COL23A1: variants seen among roughly 807,000 people sequenced by gnomAD.
COL23A1 encodes collagen alpha-1(XXIII) chain.
In COL23A1, 97 loss-of-function variants were observed where a neutral mutation model predicts 99.3. The observed-to-expected ratio is 0.98, with a 90% CI of 0.83 to 1.16. The LOEUF is 1.16. Among genes scored for constraint, COL23A1 ranks in the 50% most tolerant of loss-of-function variants. The pLI is 0.00. For missense variants in COL23A1, 762 were observed against 757.4 expected (o/e 1.01, Z -0.07); for synonymous variants, 320 against 308.2 (o/e 1.04, Z -0.40).
intron 2 of COL23A1, among the ~76,000 whole-genome samples, chr5:178,475,602 C>T (rs1467987638): frequency 1.3e-5 from 2 of 152,142 alleles, no homozygotes; most frequent in African/African-American, 2.4e-5. Flanking sequence ...TGTTAGTTTT[C>T]GGTTGCTGCA....
intron 5 of COL23A1, among the ~76,000 whole-genome samples, chr5:178,276,997 T>A (rs564291461): frequency 6.6e-6 from 1 of 152,352 alleles, no homozygotes; most frequent in African/African-American, 2.4e-5. Context: ...CCCTCTGTGC[T>A]GCTCATCTGT....
In COL23A1 at chr5:178,256,856, C is replaced by T; in HGVS notation, c.837+10G>A. 3 of 1,612,046 alleles carry T rather than the reference C, an allele frequency of 1.9e-6. No individual in the cohort carries two copies. In the South Asian group the frequency reaches 3.3e-5, roughly 18 times the overall value. ...CCCGCAGGCGCCAGAGCAGAGAGCT[C>T]TCATGTCACCTTCGGTCCTGGGGCA... On this transcript the variant is annotated intron_variant, in intron 14 of 28. Coordinates refer to ENST00000390654, the MANE Select transcript of COL23A1 (RefSeq NM_173465.4).
chr5:178,288,379 C>A, intron 4 of COL23A1, 29 bp from the exon 5 acceptor site: 1 of 1,604,254 alleles, frequency 6.2e-7, no homozygotes, highest in Non-Finnish European at 8.5e-7. Context: ...CATTAATAAT[C>A]AGAGTTTCGG....
chr5:178,552,709 A>T (rs1311945315), intron 2 of COL23A1, among the ~76,000 whole-genome samples: 1 of 54,434 alleles, frequency 1.8e-5, no homozygotes, highest in African/African-American at 3.0e-4. Flanking sequence ...AAAAAATTAA[A>T]AAAAAAAAAA....
Position 178,238,691 on chromosome 5 carries a change from C to T in COL23A1, c.*7G>A. The T allele has an allele frequency of 6.2e-7, 1 of 1,611,994 alleles. No homozygotes were observed. Among genetic ancestry groups the T allele is most frequent in the East Asian group, 2.2e-5 (1 of 44,874 alleles). On this transcript the variant is annotated 3_prime_UTR_variant, in exon 29 of 29. Transcript: ENST00000390654. ...GGATCTGTACAGGTGTGAGCTGGGC[C>T]TGTGGGTCACTGGAAAAGGAGGAAG...
At chr5:178,243,479 C>T (rs1294502613) in intron 25 of COL23A1, among the ~76,000 whole-genome samples, 1 of 145,978 alleles carries the variant, frequency 6.9e-6, no homozygotes, top group East Asian at 2.0e-4. Context: ...CAGAGTGAGA[C>T]TCCATCTCCA....
chr5:178,579,640 G>A (rs1036343339), intron 1 of COL23A1, among the ~76,000 whole-genome samples: 3 of 152,114 alleles, frequency 2.0e-5, no homozygotes, highest in African/African-American at 7.2e-5. Flanking sequence ...TTTTAGGAGA[G>A]ACGGGGTTTC....
At chr5:178,547,379 GC>G (rs1024720762) in intron 2 of COL23A1, among the ~76,000 whole-genome samples, 4 of 151,654 alleles carry the variant, frequency 2.6e-5, no homozygotes, top group Non-Finnish European at 4.4e-5. Flanking sequence ...GCTCTCCTGG[GC>G]CAGATTTTGG....
intron 1 of COL23A1, among the ~76,000 whole-genome samples, chr5:178,567,363 G>A (rs1374049671): frequency 2.0e-5 from 3 of 152,174 alleles, no homozygotes; most frequent in East Asian, 3.8e-4. Flanking sequence ...AACACAAGAT[G>A]AGCCTGGAGT....
rs1581464080 is a variant in COL23A1, at chr5:178,256,806, C to T, written c.837+60G>A. 24 of 1,520,754 alleles carry T rather than the reference C, an allele frequency of 1.6e-5. No homozygotes were observed. In the East Asian group the frequency reaches 3.3e-4, roughly 21 times the overall value. The allele number at this position is 1,520,754 out of a possible 1,614,324, so 94.2% of individuals were successfully genotyped here. A position where few individuals can be genotyped will look rare whatever the true frequency, so the allele number is the denominator to read the frequency against. On this transcript the variant is annotated intron_variant, in intron 14 of 28. Coordinates refer to ENST00000390654, the MANE Select transcript of COL23A1 (RefSeq NM_173465.4). ...GAGCTGAAACCACATCTCCCACTCC[C>T]GACTGGGTGGAGGTCTGAGCGGGGC...
At chr5:178,508,779 A>T (rs1759025948) in intron 2 of COL23A1, among the ~76,000 whole-genome samples, 1 of 152,040 alleles carries the variant, frequency 6.6e-6, no homozygotes, top group Non-Finnish European at 1.5e-5. Context: ...CCCTCTCCCG[A>T]TCCTTTGGCT....
chr5:178,569,008 T>C (rs1762963012), intron 1 of COL23A1, among the ~76,000 whole-genome samples: 1 of 152,226 alleles, frequency 6.6e-6, no homozygotes, highest in Non-Finnish European at 1.5e-5. Context: ...CCAAACTCTT[T>C]TCCACAGTGG....
chr5:178,367,195 C>A (rs1354611566), intron 2 of COL23A1, among the ~76,000 whole-genome samples: 1 of 152,188 alleles, frequency 6.6e-6, no homozygotes, highest in Non-Finnish European at 1.5e-5. Flanking sequence ...TGCTTGGAAA[C>A]CACCAATGGC....
rs1359705542 is a variant in COL23A1, at chr5:178,468,504, C to T, written c.361+92178G>A. 6.6e-6 allele frequency among the ~76,000 whole-genome samples: 1 copy of T among 152,144 alleles called. No individual in the cohort carries two copies. The highest frequency in any genetic ancestry group is 1.9e-4 in the East Asian group (1 of 5,170). Reference sequence around the variant, plus strand: ...CACGAGATGATTATTTCGTTTCATCCTCACCCTGCCTCCCTCATCTGCTCA... The same window carrying T: ...CACGAGATGATTATTTCGTTTCATCTTCACCCTGCCTCCCTCATCTGCTCA... On this transcript the variant is annotated intron_variant, in intron 2 of 28. Transcript: ENST00000390654. The surrounding 1 kb of genome is among the most constrained non-coding windows in gnomAD (Gnocchi z 4.2).
At chr5:178,584,866 G>A (rs369951869) in intron 1 of COL23A1, among the ~76,000 whole-genome samples, 1 of 152,154 alleles carries the variant, frequency 6.6e-6, no homozygotes, top group Non-Finnish European at 1.5e-5. Context: ...CCAGCCTAGT[G>A]TCCTCTTCCC....
chr5:178,561,608 T>C (rs1325886929), intron 1 of COL23A1, among the ~76,000 whole-genome samples: 1 of 152,062 alleles, frequency 6.6e-6, no homozygotes, highest in Non-Finnish European at 1.5e-5. Flanking sequence ...AATGAAGCAA[T>C]TGGCCCAAAT....
At chr5:178,249,716 A>ACACTCTCTCTCT in intron 18 of COL23A1, among the ~76,000 whole-genome samples, 19 of 92,806 alleles carry the variant, frequency 2.0e-4, no homozygotes, top group East Asian at 1.7e-3. Context: ...ACACACACAC[A>ACACTCTCTCTCT]CTCTCTCTCT....
intron 1 of COL23A1, among the ~76,000 whole-genome samples, chr5:178,577,826 G>A (rs1304802128): frequency 6.6e-6 from 1 of 152,254 alleles, no homozygotes; most frequent in Non-Finnish European, 1.5e-5. Context: ...ACGCTGGCCG[G>A]TTCAGAGGCA....
At chr5:178,260,274 C>G (rs572296621) in intron 11 of COL23A1, among the ~76,000 whole-genome samples, 6 of 152,302 alleles carry the variant, frequency 3.9e-5, no homozygotes, top group African/African-American at 1.2e-4. Flanking sequence ...GTCCTTCAGT[C>G]GGTGAGTGGG....
Sources: allele counts gnomAD v4.1 joint callset (sites outside exome capture counted in the v4.1 genomes callset), GRCh38; gene constraint gnomAD v4.1.1; non-coding constraint Gnocchi (gnomAD v3.1); transcripts MANE v1.5; gene names NCBI Gene and HGNC (gene_info 2026-07-23, HGNC 2026-07-21).